The following ZNF804A variants were observed in gnomAD, a reference collection of about 807,000 sequenced individuals.
ZNF804A encodes zinc finger protein 804A.
ZNF804A carries 2 observed loss-of-function variants against 16.5 expected under a neutral mutation model. The ratio of observed to expected loss-of-function variants is 0.12; its 90% CI spans 0.05 to 0.38. The LOEUF (loss-of-function observed/expected upper bound fraction) is 0.38, where lower values mean the gene tolerates loss of function less well. Among genes scored for constraint, ZNF804A ranks in the 10% least tolerant of loss-of-function variants. ZNF804A has a pLI of 0.99. For missense variants in ZNF804A, 1,473 were observed against 1,390.7 expected, an observed-to-expected ratio of 1.06 and a Z score of -0.94; for synonymous variants, 534 against 489.6, an observed-to-expected ratio of 1.09 and a Z score of -1.20.
At chr2:184,812,026 A>G (rs1694909696) in intron 1 of ZNF804A, among the ~76,000 whole-genome samples, 1 of 152,212 alleles carries the variant, frequency 6.6e-6, no homozygotes, top group Non-Finnish European at 1.5e-5. Context: ...TATGACTTAC[A>G]CAAATACCTA....
At chr2:184,930,959 G>T (rs1685688869) in intron 2 of ZNF804A, among the ~76,000 whole-genome samples, 1 of 152,296 alleles carries the variant, frequency 6.6e-6, no homozygotes, top group East Asian at 1.9e-4. Flanking sequence ...ACATGGCTGG[G>T]GAGTCCTCAC....
chr2:184,894,246 T>G (rs34700435), intron 2 of ZNF804A, among the ~76,000 whole-genome samples: 8 of 152,152 alleles, frequency 5.3e-5, no homozygotes, highest in Non-Finnish European at 1.2e-4. Context: ...TGAAGGGGTA[T>G]GCCAACCCAC....
chr2:184,731,839 G>A (rs1272681436), intron 1 of ZNF804A, among the ~76,000 whole-genome samples: 1 of 152,070 alleles, frequency 6.6e-6, no homozygotes, highest in African/African-American at 2.4e-5. Flanking sequence ...CCTTTCAAAA[G>A]TGCTGGGATT....
intron 2 of ZNF804A, among the ~76,000 whole-genome samples, chr2:184,921,438 G>A (rs1685527969): frequency 6.6e-6 from 1 of 151,958 alleles, no homozygotes; most frequent in Non-Finnish European, 1.5e-5. Context: ...AGTGCTTTTG[G>A]ACAGCCTCTA....
chr2:184,886,325 G>A (rs1418725177), intron 2 of ZNF804A, among the ~76,000 whole-genome samples: 1 of 152,208 alleles, frequency 6.6e-6, no homozygotes, highest in Non-Finnish European at 1.5e-5. Flanking sequence ...GGCCCCTGTG[G>A]CTTTGTTGGG....
chr2:184,658,309 C>T (rs925408670), intron 1 of ZNF804A, among the ~76,000 whole-genome samples: 2 of 152,036 alleles, frequency 1.3e-5, no homozygotes, highest in East Asian at 1.9e-4. Context: ...CATTTTTAGC[C>T]TACTAAAAAT....
At position 184,661,785 on chromosome 2, in the gene ZNF804A, G is replaced by C. The variant is rs563731309; in HGVS notation, c.111+62715G>C. Reference sequence around the variant, plus strand: ...CCAGGGACCAGTCCCTGTCTGTCTAGGAATTAATCTGTCTCATCACTCTCA... The same window carrying C: ...CCAGGGACCAGTCCCTGTCTGTCTACGAATTAATCTGTCTCATCACTCTCA... On this transcript the variant is annotated intron_variant, in intron 1 of 3. Transcript: ENST00000302277. Among the ~76,000 whole-genome samples the C allele has an allele frequency of 5.1e-4, 77 of 152,008 alleles. 1 individual carries two copies. Among genetic ancestry groups the C allele is most frequent in the Non-Finnish European group, 1.5e-4 (10 of 67,990 alleles).
intron 1 of ZNF804A, among the ~76,000 whole-genome samples, chr2:184,738,501 T>G (rs1239984437): frequency 6.6e-6 from 1 of 152,176 alleles, no homozygotes; most frequent in Non-Finnish European, 1.5e-5. Context: ...AATTAAATGG[T>G]TTACTGTACA....
At position 184,795,845 on chromosome 2, in the gene ZNF804A, A is replaced by G. The variant is rs150534007; in HGVS notation, c.112-70524A>G. ...AGAAGAGATGGATAAATTTCTGGAA[A>G]GATACAGCCCTCCTAGCTTAAATCA... On this transcript the variant is annotated intron_variant, in intron 1 of 3. Coordinates refer to ENST00000302277, the MANE Select transcript of ZNF804A (RefSeq NM_194250.2). Among the ~76,000 whole-genome samples the G allele has an allele frequency of 7.3e-4, 111 of 152,350 alleles. 4 individuals are homozygous for G. The East Asian group carries it at 0.019, about 26-fold the overall frequency.
intron 1 of ZNF804A, among the ~76,000 whole-genome samples, chr2:184,753,602 A>T (rs1693909666): frequency 2.0e-5 from 3 of 151,836 alleles, no homozygotes; most frequent in African/African-American, 7.2e-5. Flanking sequence ...AGGTGTCCTA[A>T]CATTCTAGTG....
chr2:184,796,830 A>G (rs1436840361), intron 1 of ZNF804A, among the ~76,000 whole-genome samples: 1 of 151,914 alleles, frequency 6.6e-6, no homozygotes, highest in East Asian at 1.9e-4. Context: ...TTGTGTCATT[A>G]CTGTTGTTCA....
rs886530548 is a variant in ZNF804A, at chr2:184,758,704, A to G, written c.112-107665A>G. 3.3e-5 allele frequency among the ~76,000 whole-genome samples: 5 copies of G among 152,132 alleles called. No homozygotes were observed. In the South Asian group the frequency reaches 1.0e-3, roughly 31 times the overall value. ...ATTTTACAGTTATTAATATGCTTCT[A>G]TATTATGACATAACTAATGATATAA... is the stretch of plus-strand genomic sequence containing the variant. On this transcript the variant is annotated intron_variant, in intron 1 of 3. Coordinates refer to ENST00000302277, the MANE Select transcript of ZNF804A (RefSeq NM_194250.2).
At chr2:184,934,334 G>A (rs537055508) in intron 3 of ZNF804A, among the ~76,000 whole-genome samples, 1 of 152,058 alleles carries the variant, frequency 6.6e-6, no homozygotes, top group Admixed American at 6.6e-5. Context: ...TTCAAGCCAG[G>A]GCAAAGTTAT....
chr2:184,880,085 G>C (rs1244226278), intron 2 of ZNF804A, among the ~76,000 whole-genome samples: 1 of 151,986 alleles, frequency 6.6e-6, no homozygotes, highest in African/African-American at 2.4e-5. Context: ...GCCATCAACT[G>C]TTAAAATTTA....
At chr2:184,627,040 C>T (rs1691517366) in intron 1 of ZNF804A, among the ~76,000 whole-genome samples, 1 of 151,978 alleles carries the variant, frequency 6.6e-6, no homozygotes, top group South Asian at 2.1e-4. Context: ...TTAATTTAGG[C>T]TCAACTACAA....
rs1055069916 is a variant in ZNF804A, at chr2:184,738,196, G to C, written c.112-128173G>C. 4.6e-5 allele frequency among the ~76,000 whole-genome samples: 7 copies of C among 151,802 alleles called. 1 individual carries two copies. Among genetic ancestry groups the C allele is most frequent in the African/African-American group, 9.7e-5 (4 of 41,336 alleles). On this transcript the variant is annotated intron_variant, in intron 1 of 3. Transcript: ENST00000302277. ...GCCAATGAAGTGAAAGTTAAAATGG[G>C]AAAATAAATAATACTGATTAGTGGC...
At chr2:184,713,167 G>A (rs1403718976) in intron 1 of ZNF804A, among the ~76,000 whole-genome samples, 2 of 151,650 alleles carry the variant, frequency 1.3e-5, no homozygotes, top group Non-Finnish European at 3.0e-5. Flanking sequence ...CAATAGTAAA[G>A]GACCTTAACC....
At chr2:184,707,115 C>G (rs981345753) in intron 1 of ZNF804A, among the ~76,000 whole-genome samples, 1 of 152,094 alleles carries the variant, frequency 6.6e-6, no homozygotes, top group Non-Finnish European at 1.5e-5. Context: ...ACTGACCTTG[C>G]AGATCCAAAT....
At chr2:184,728,281 A>G (rs1477010163) in intron 1 of ZNF804A, among the ~76,000 whole-genome samples, 2 of 151,782 alleles carry the variant, frequency 1.3e-5, no homozygotes, top group Admixed American at 6.6e-5. Context: ...TTTAGAGACT[A>G]TTTTCCAGTT....
Sources: gnomAD v4.1 joint callset for allele counts (sites outside exome capture counted in the v4.1 genomes callset) on GRCh38, gnomAD v4.1.1 for gene constraint, MANE v1.5 for transcripts, NCBI Gene and HGNC (gene_info 2026-07-23, HGNC 2026-07-21) for gene names.